Variants in GSE1 observed in about 807,000 individuals in gnomAD.
GSE1 encodes the protein genetic suppressor element 1.
Under a neutral mutation model 112.6 loss-of-function variants are expected in GSE1, and 32 were observed. The ratio of observed to expected loss-of-function variants is 0.28; its 90% CI spans 0.21 to 0.38. The LOEUF is 0.38. GSE1 is among the 10% of genes least tolerant of loss of function. The pLI is 1.00. For synonymous variants in GSE1, 1,115 were observed against 735.6 expected, an observed-to-expected ratio of 1.52 and a Z score of -8.35; for missense variants, 2,348 against 1,699.2, an observed-to-expected ratio of 1.38 and a Z score of -6.71.
chr16:85,310,600 C>G (rs73257790), intron 1 of GSE1, among the ~76,000 whole-genome samples: 5,441 of 151,902 alleles, frequency 0.036, 327 homozygotes, highest in African/African-American at 0.12. Flanking sequence ...CCCTTTGAGC[C>G]CCTCTCCCTG....
chr16:85,272,094 C>T (rs1325081296), intron 1 of GSE1, among the ~76,000 whole-genome samples: 2 of 152,250 alleles, frequency 1.3e-5, no homozygotes, highest in African/African-American at 4.8e-5. Flanking sequence ...CCGTATCCTG[C>T]GTTCCCATCA....
intron 1 of GSE1, among the ~76,000 whole-genome samples, chr16:85,293,566 T>A (rs572049962): frequency 1.1e-3 from 169 of 152,212 alleles, no homozygotes; most frequent in Admixed American, 3.3e-3. Flanking sequence ...AAATTTTTTT[T>A]AAAAAGTAGC....
chr16:85,272,211 A>G (rs894000878), intron 1 of GSE1, among the ~76,000 whole-genome samples: 1 of 152,192 alleles, frequency 6.6e-6, no homozygotes, highest in Admixed American at 6.5e-5. Flanking sequence ...TGGGCTGCAC[A>G]CTTCCTAGCG....
chr16:85,352,222 G>C (rs2046865130), intron 1 of GSE1, among the ~76,000 whole-genome samples: 1 of 152,154 alleles, frequency 6.6e-6, no homozygotes, highest in East Asian at 1.9e-4. Context: ...CAGCTCCCTG[G>C]AGAAAGCATA....
At chr16:85,643,233 G>C (rs1165487434) in intron 2 of GSE1, among the ~76,000 whole-genome samples, 1 of 152,306 alleles carries the variant, frequency 6.6e-6, no homozygotes, top group East Asian at 1.9e-4. Context: ...CCGTTTCATT[G>C]ACTTAACTCC....
chr16:85,435,259 G>C (rs905809637), intron 2 of GSE1, among the ~76,000 whole-genome samples: 1 of 152,134 alleles, frequency 6.6e-6, no homozygotes, highest in African/African-American at 2.4e-5. Context: ...GCCTGGCCTG[G>C]GTCCTCCTTC....
intron 2 of GSE1, among the ~76,000 whole-genome samples, chr16:85,374,156 G>A (rs959324577): frequency 1.3e-5 from 2 of 151,192 alleles, no homozygotes; most frequent in Non-Finnish European, 2.9e-5. Context: ...GTTGCATGTG[G>A]CCCTCGGTGT....
chr16:85,418,721 A>G (rs1023223339), intron 2 of GSE1, among the ~76,000 whole-genome samples: 2 of 152,082 alleles, frequency 1.3e-5, no homozygotes, highest in African/African-American at 2.4e-5. Context: ...CCACTATATG[A>G]GGAATAGAAA....
chr16:85,668,815 C>T (rs932079091), intron 14 of GSE1, among the ~76,000 whole-genome samples: 2 of 152,238 alleles, frequency 1.3e-5, no homozygotes, highest in South Asian at 2.1e-4. Flanking sequence ...TGCCTCTTGC[C>T]TAGTGACAGA....
At chr16:85,396,787 G>C (rs969544507) in intron 2 of GSE1, among the ~76,000 whole-genome samples, 28 of 152,356 alleles carry the variant, frequency 1.8e-4, no homozygotes, top group African/African-American at 6.5e-4. Flanking sequence ...AGGCTGTCTG[G>C]GAAGCGCAGG....
At chr16:85,423,734 C>T (rs897367547) in intron 2 of GSE1, among the ~76,000 whole-genome samples, 1 of 152,186 alleles carries the variant, frequency 6.6e-6, no homozygotes, top group East Asian at 1.9e-4. Context: ...CTCTCTCTGT[C>T]GCCGCATCCA....
At chr16:85,269,362 T>C (rs1908593296) in intron 1 of GSE1, among the ~76,000 whole-genome samples, 1 of 149,292 alleles carries the variant, frequency 6.7e-6, no homozygotes, top group Non-Finnish European at 1.5e-5. Flanking sequence ...CGTAATTGAC[T>C]TGTAACATAC....
At chr16:85,547,469 T>A (rs757133443) in intron 2 of GSE1, among the ~76,000 whole-genome samples, 26 of 152,340 alleles carry the variant, frequency 1.7e-4, no homozygotes, top group Non-Finnish European at 3.4e-4. Flanking sequence ...CTCCTGTGTG[T>A]CTTGTCTTTT....
chr16:85,365,960 C>T (rs750195220), intron 2 of GSE1, among the ~76,000 whole-genome samples: 4 of 152,262 alleles, frequency 2.6e-5, no homozygotes. Context: ...TCAGAGTCCA[C>T]ATCAGATGCT....
chr16:85,588,905 A>G (rs7206291), intron 1 of GSE1, among the ~76,000 whole-genome samples: 8,846 of 152,004 alleles, frequency 0.058, 854 homozygotes, highest in African/African-American at 0.2. Flanking sequence ...AGCTCTGGGG[A>G]AATGAGAGTC....
At chr16:85,468,684 G>A (rs995322887) in intron 2 of GSE1, among the ~76,000 whole-genome samples, 1 of 152,160 alleles carries the variant, frequency 6.6e-6, no homozygotes, top group African/African-American at 2.4e-5. Context: ...TTTGAGAACA[G>A]GAGGGCCATG....
intron 1 of GSE1, among the ~76,000 whole-genome samples, chr16:85,323,316 C>T (rs1036771454): frequency 1.3e-5 from 2 of 152,080 alleles, no homozygotes. Flanking sequence ...CTGGAGACCA[C>T]GAAATGGCAA....
At chr16:85,666,588 G>C (rs1598699318) in intron 13 of GSE1, 1 of 558,524 alleles carries the variant, frequency 1.8e-6, no homozygotes, top group Non-Finnish European at 3.2e-6. Context: ...GCTGTGCTGT[G>C]AGCAGGGACG....
intron 1 of GSE1, among the ~76,000 whole-genome samples, chr16:85,568,569 A>G (rs1371517496): frequency 1.3e-5 from 2 of 152,212 alleles, no homozygotes; most frequent in Non-Finnish European, 2.9e-5. Flanking sequence ...GCTCATGAAT[A>G]TTCATCGTTG....
Sources: gnomAD v4.1 joint callset for allele counts (sites outside exome capture counted in the v4.1 genomes callset) on GRCh38, gnomAD v4.1.1 for gene constraint, MANE v1.5 for transcripts, NCBI Gene and HGNC (gene_info 2026-07-23, HGNC 2026-07-21) for gene names.